Variants in DDIT4L observed in about 807,000 individuals in gnomAD.
The protein encoded by DDIT4L is DNA damage-inducible transcript 4-like protein.
Under a neutral mutation model 15.9 loss-of-function variants are expected in DDIT4L, and 13 were observed. That is an observed-to-expected ratio of 0.82 (90% CI 0.53 to 1.30). DDIT4L has a LOEUF of 1.30. Among genes scored for constraint, DDIT4L ranks in the 50% most tolerant of loss-of-function variants. The pLI, the probability that DDIT4L is intolerant of heterozygous loss-of-function variation, is 0.00. For missense variants in DDIT4L, 235 were observed against 224.8 expected (o/e 1.05, Z -0.29); for synonymous variants, 82 against 85.4 (o/e 0.96, Z 0.22).
intron 1 of DDIT4L, 129 bp downstream of exon 1, chr4:100,190,174 T>C (rs1407862145): frequency 1.7e-6 from 1 of 581,914 alleles, no homozygotes; most frequent in East Asian, 3.0e-5. Context: ...TGCAACTCAA[T>C]TTGACAAAGC....
In DDIT4L at chr4:100,187,698, T is replaced by C; in HGVS notation, c.561A>G (p.Thr187=). The change falls in exon 3 of 3, where the codon ACA becomes ACG. Residue 187 remains threonine, a synonymous_variant. Coordinates refer to ENST00000273990, the MANE Select transcript of DDIT4L (RefSeq NM_145244.4). ...CTTTTTAGGACCCTTCAATCACTGT[T>C]GTTCCAATCAGTGAGTAAAGTTTTT... is the stretch of plus-strand genomic sequence containing the variant. ...VKKKLYSLIG[T]TVIEGS 1 of 1,605,804 alleles carries C rather than the reference T, an allele frequency of 6.2e-7. No homozygotes were observed. The highest frequency in any genetic ancestry group is 2.2e-5 in the East Asian group (1 of 44,852).
In DDIT4L at chr4:100,186,456, A is replaced by G. The variant is rs891234970; in HGVS notation, c.*1221T>C. ...GTGGAGGCTAAATTCTCTCATTAAC[A>G]TAAAAAAGGAAAGAGATAATGATCT... is the stretch of plus-strand genomic sequence containing the variant. On this transcript the variant is annotated 3_prime_UTR_variant, in exon 3 of 3. Transcript: ENST00000273990. The G allele has an allele frequency of 6.6e-6, 1 of 152,204 alleles. No individual in the cohort carries two copies. Among genetic ancestry groups the G allele is most frequent in the Admixed American group, 6.5e-5 (1 of 15,274 alleles). The allele number at this position is 152,204 out of a possible 1,614,324, so 9.4% of individuals were successfully genotyped here.
intron 2 of DDIT4L, 97 bp downstream of exon 2, chr4:100,189,796 C>G: frequency 8.9e-7 from 1 of 1,125,364 alleles, no homozygotes; most frequent in Non-Finnish European, 1.3e-6. Context: ...GCACCTCCTA[C>G]ATAGAGGTAG....
Position 100,187,539 on chromosome 4 carries a change from G to A in DDIT4L, c.*138C>T, listed in dbSNP as rs1560555122. ...CCTGTTAGCTGCAGTTGCTATGAAT[G>A]TGAAACACAGAAAGAAAAGAGACTA... On this transcript the variant is annotated 3_prime_UTR_variant, in exon 3 of 3. Transcript: ENST00000273990. 2.0e-6 allele frequency: 2 copies of A among 977,856 alleles called. No individual in the cohort carries two copies. Among genetic ancestry groups the A allele is most frequent in the Non-Finnish European group, 2.9e-6 (2 of 698,086 alleles). The allele number at this position is 977,856 out of a possible 1,614,324, so 60.6% of individuals were successfully genotyped here. A position where few individuals can be genotyped will look rare whatever the true frequency, so the allele number is the denominator to read the frequency against.
At chr4:100,189,444 C>T (rs924542938) in intron 2 of DDIT4L, among the ~76,000 whole-genome samples, 2 of 152,172 alleles carry the variant, frequency 1.3e-5, no homozygotes, top group Admixed American at 1.3e-4. Flanking sequence ...AGAATACCTA[C>T]TGTATGGTTC....
At chr4:100,190,082 G>A (rs1458657430) in intron 1 of DDIT4L, 50 bp from the exon 2 acceptor site, 10 of 1,154,586 alleles carry the variant, frequency 8.7e-6, no homozygotes, top group East Asian at 2.4e-5. Flanking sequence ...CAGGCGAGTC[G>A]TGCAGAGGCT....
Position 100,190,024 on chromosome 4 carries a change from T to A in DDIT4L, c.-41A>T, listed in dbSNP as rs1183265706. ...TTCCTTCGCGAGGCGCAACGGCCTT[T>A]CCTGAGCGCTGGAAAAAATGAGGCG... On this transcript the variant is annotated 5_prime_UTR_variant, in exon 2 of 3. Transcript: ENST00000273990. 6.3e-7 allele frequency: 1 copy of A among 1,589,438 alleles called. No homozygotes were observed. The highest frequency in any genetic ancestry group is 8.6e-7 in the Non-Finnish European group (1 of 1,158,238).
chr4:100,187,804 T>G lies in DDIT4L; in HGVS notation c.455A>C (p.Asp152Ala). ...QENCSWTSFRDFFFSRGRFSS... is the reference protein window; with the variant it reads ...QENCSWTSFRAFFFSRGRFSS... ...GAAGCGACCTCTACTAAAGAAAAAG[T>G]CCCTGAAGCTAGTCCATGAGCAGTT... The change falls in exon 3 of 3, where the codon GAC becomes GCC. Residue 152 changes from aspartate (D) to alanine (A), a missense_variant. By Grantham distance (126) the Asp-to-Ala change is moderately radical. Transcript: ENST00000273990. 6.2e-7 allele frequency: 1 copy of G among 1,613,576 alleles called. No homozygotes were observed. The highest frequency in any genetic ancestry group is 8.5e-7 in the Non-Finnish European group (1 of 1,179,918).
At chr4:100,189,853 A>G (rs1480100071) in intron 2 of DDIT4L, 40 bp downstream of exon 2, 1 of 1,600,770 alleles carries the variant, frequency 6.2e-7, no homozygotes, top group Admixed American at 1.7e-5. Context: ...AGAGGCACCG[A>G]CCTTGGGAGG....
chr4:100,189,318 T>C (rs927697906), intron 2 of DDIT4L, among the ~76,000 whole-genome samples: 1 of 152,148 alleles, frequency 6.6e-6, no homozygotes, highest in African/African-American at 2.4e-5. Flanking sequence ...AATGGATATA[T>C]CCACGACTGA....
chr4:100,189,412 C>A (rs770453206), intron 2 of DDIT4L, among the ~76,000 whole-genome samples: 2 of 152,090 alleles, frequency 1.3e-5, no homozygotes, highest in Non-Finnish European at 2.9e-5. Context: ...CATTAGGCTG[C>A]GGGAAAGAAA....
At position 100,186,060 on chromosome 4, in the gene DDIT4L, G is replaced by A. The variant is rs1723415082; in HGVS notation, c.*1617C>T. ...ATGCCCAAGAAGCCTTGCCCAGTCA[G>A]TGGTGACAACTCCAGGACAGCGGCA... On this transcript the variant is annotated 3_prime_UTR_variant, in exon 3 of 3. Coordinates refer to ENST00000273990, the MANE Select transcript of DDIT4L (RefSeq NM_145244.4). 1 of 152,244 alleles carries A rather than the reference G, an allele frequency of 6.6e-6. No individual in the cohort carries two copies. The highest frequency in any genetic ancestry group is 6.5e-5 in the Admixed American group (1 of 15,278). 9.4% of individuals were successfully genotyped at this position (152,244 alleles called of 1,614,324 possible). A position where few individuals can be genotyped will look rare whatever the true frequency, so the allele number is the denominator to read the frequency against.
In DDIT4L at chr4:100,186,510, G is replaced by A. The variant is rs1015659998; in HGVS notation, c.*1167C>T. 1.3e-5 allele frequency: 2 copies of A among 152,124 alleles called. No homozygotes were observed. Among genetic ancestry groups the A allele is most frequent in the Non-Finnish European group, 2.9e-5 (2 of 68,016 alleles). 9.4% of individuals were successfully genotyped at this position (152,124 alleles called of 1,614,324 possible). ...TAGTTGGAATAAGACAAAAAATCAGGCCTTTATTATTCCCTAGTGACAGGT... is the reference window on the plus strand; with the variant it reads ...TAGTTGGAATAAGACAAAAAATCAGACCTTTATTATTCCCTAGTGACAGGT... On this transcript the variant is annotated 3_prime_UTR_variant, in exon 3 of 3. Transcript: ENST00000273990.
chr4:100,189,664 C>A (rs1194719242), intron 2 of DDIT4L, among the ~76,000 whole-genome samples: 7 of 152,194 alleles, frequency 4.6e-5, no homozygotes. Context: ...TCCCAAGGGG[C>A]CTACTGGCAC....
Position 100,187,692 on chromosome 4 carries a change from C to T in DDIT4L, c.567G>A (p.Val189=). The T allele has an allele frequency of 6.3e-7, 1 of 1,589,166 alleles. No homozygotes were observed. Among genetic ancestry groups the T allele is most frequent in the Non-Finnish European group, 8.5e-7 (1 of 1,174,088 alleles). ...KKLYSLIGTT[V]IEGS The stretch of plus-strand genomic sequence containing the variant: ...TTTTCCCTTTTTAGGACCCTTCAAT[C>T]ACTGTTGTTCCAATCAGTGAGTAAA... The change falls in exon 3 of 3, where the codon GTG becomes GTA. Residue 189 remains valine (V), a synonymous_variant. Transcript: ENST00000273990.
At chr4:100,189,303 G>A (rs1723473659) in intron 2 of DDIT4L, among the ~76,000 whole-genome samples, 1 of 152,330 alleles carries the variant, frequency 6.6e-6, no homozygotes, top group African/African-American at 2.4e-5. Context: ...CATTAAAAAT[G>A]GAATAATGGA....
In DDIT4L at chr4:100,188,138, C is replaced by G; in HGVS notation, c.121G>C (p.Glu41Gln). ...AATATTACCTCGTTGAGGTTGGGTT[C>G]AGGAACAACATAATCCCAGTAGTCA... ...DFDYWDYVVP[E>Q]PNLNEVIFEE... Residue 41 changes from glutamate to glutamine, a missense_variant, in exon 3 of 3, where the codon GAA (glutamate) becomes CAA (glutamine). Coordinates refer to ENST00000273990, the MANE Select transcript of DDIT4L (RefSeq NM_145244.4). 1 of 1,611,418 alleles carries G rather than the reference C, an allele frequency of 6.2e-7. No individual in the cohort carries two copies. Among genetic ancestry groups the G allele is most frequent in the Non-Finnish European group, 8.5e-7 (1 of 1,179,910 alleles).
rs1723452414 is a variant in DDIT4L, at chr4:100,188,067, A to C, written c.192T>G (p.Cys64Trp). Reference sequence around the variant, plus strand: ...GTTTAGTTTGCTTTGATTTGGACAGACAGTTCTCCAGCATTTTAACCAAAT... The same window carrying C: ...GTTTAGTTTGCTTTGATTTGGACAGCCAGTTCTCCAGCATTTTAACCAAAT... Reference protein sequence around the residue: ...CQNLVKMLENCLSKSKQTKLG... With the variant: ...CQNLVKMLENWLSKSKQTKLG... The change falls in exon 3 of 3, where the codon TGT becomes TGG. Residue 64 changes from cysteine (C) to tryptophan (W), a missense_variant. By Grantham distance (215) the Cys-to-Trp change is radical. Transcript: ENST00000273990. 5 of 1,614,136 alleles carry C rather than the reference A, an allele frequency of 3.1e-6. No homozygotes were observed. The highest frequency in any genetic ancestry group is 4.2e-6 in the Non-Finnish European group (5 of 1,180,024).
Position 100,188,117 on chromosome 4 carries a change from T to G in DDIT4L, c.142A>C (p.Ile48Leu). The G allele has an allele frequency of 6.2e-7, 1 of 1,613,540 alleles. No individual in the cohort carries two copies. The highest frequency in any genetic ancestry group is 8.5e-7 in the Non-Finnish European group (1 of 1,180,016). The change falls in exon 3 of 3, where the codon ATA becomes CTA. Residue 48 changes from isoleucine to leucine, a missense_variant. Ile to Leu is a conservative substitution (Grantham distance 5, BLOSUM62 2). Coordinates refer to ENST00000273990, the MANE Select transcript of DDIT4L (RefSeq NM_145244.4). ...TTCTGGCAAGTTGATTCCTCAAATA[T>G]TACCTCGTTGAGGTTGGGTTCAGGA... ...VVPEPNLNEV[I>L]FEESTCQNLV...
Sources: allele counts gnomAD v4.1 joint callset (sites outside exome capture counted in the v4.1 genomes callset), GRCh38; gene constraint gnomAD v4.1.1; transcripts MANE v1.5; gene names NCBI Gene and HGNC (gene_info 2026-07-23, HGNC 2026-07-21).